NUDCD1: variants seen among roughly 807,000 people sequenced by gnomAD.
NUDCD1 encodes the protein nudC domain-containing protein 1.
NUDCD1 carries 60 observed loss-of-function variants against 67.8 expected under a neutral mutation model. That is an observed-to-expected ratio of 0.88 (90% CI 0.72 to 1.10). NUDCD1 has a LOEUF of 1.10. NUDCD1 is among the 50% of genes least tolerant of loss of function. NUDCD1 has a pLI of 0.00. For missense variants in NUDCD1, 643 were observed against 695.0 expected, an observed-to-expected ratio of 0.93 and a Z score of 0.84; for synonymous variants, 244 against 230.8, an observed-to-expected ratio of 1.06 and a Z score of -0.52.
chr8:109,278,897 A>C (rs1317879238), intron 6 of NUDCD1, among the ~76,000 whole-genome samples: 1 of 152,030 alleles, frequency 6.6e-6, no homozygotes, highest in East Asian at 1.9e-4. Context: ...ATATATTTTC[A>C]GTTGGGCATG....
intron 8 of NUDCD1, among the ~76,000 whole-genome samples, chr8:109,268,686 C>A (rs546516866): frequency 6.6e-6 from 1 of 152,210 alleles, no homozygotes; most frequent in South Asian, 2.1e-4. Context: ...AGTTATAGCA[C>A]CTAAAACTAT....
intron 8 of NUDCD1, among the ~76,000 whole-genome samples, chr8:109,251,866 C>CT (rs924246250): frequency 3.1e-4 from 47 of 152,120 alleles, no homozygotes; most frequent in African/African-American, 1.1e-3. Flanking sequence ...AATTGGGGCA[C>CT]TTTTTTCTTT....
At chr8:109,254,805 AT>A (rs1489321545) in intron 8 of NUDCD1, among the ~76,000 whole-genome samples, 1 of 152,148 alleles carries the variant, frequency 6.6e-6, no homozygotes, top group Non-Finnish European at 1.5e-5. Context: ...AAATTTAAAA[AT>A]AATATTAATA....
intron 5 of NUDCD1, among the ~76,000 whole-genome samples, chr8:109,288,143 G>C (rs964224615): frequency 1.3e-5 from 2 of 152,008 alleles, no homozygotes; most frequent in African/African-American, 2.4e-5. Context: ...CTTTATTACT[G>C]TGAAAATCCT....
chr8:109,245,131 A>C (rs1813462916), intron 9 of NUDCD1, among the ~76,000 whole-genome samples, 191 bp downstream of exon 9: 1 of 152,062 alleles, frequency 6.6e-6, no homozygotes, highest in Non-Finnish European at 1.5e-5. Context: ...TACAAGCATA[A>C]AAACAGATTA....
chr8:109,316,037 C>A (rs1815386357), intron 2 of NUDCD1: 1 of 152,162 alleles, frequency 6.6e-6, no homozygotes, highest in Non-Finnish European at 1.5e-5. Context: ...TATAAGATGA[C>A]ACTCTTTTAG....
chr8:109,312,028 C>T (rs1464818861), intron 2 of NUDCD1, among the ~76,000 whole-genome samples: 5 of 151,836 alleles, frequency 3.3e-5, no homozygotes, highest in African/African-American at 7.3e-5. Context: ...GTCGGCTGGG[C>T]GCGGTGGCTC....
chr8:109,257,406 T>C (rs757664823), intron 8 of NUDCD1, among the ~76,000 whole-genome samples: 3 of 152,088 alleles, frequency 2.0e-5, no homozygotes, highest in Non-Finnish European at 4.4e-5. Flanking sequence ...GGATTAAATA[T>C]AACACTGACA....
At chr8:109,253,584 A>G (rs1013459531) in intron 8 of NUDCD1, among the ~76,000 whole-genome samples, 1 of 152,198 alleles carries the variant, frequency 6.6e-6, no homozygotes, top group African/African-American at 2.4e-5. Context: ...TGCTCACATC[A>G]TGACTTGAGA....
At chr8:109,280,019 C>G (rs929385856) in intron 6 of NUDCD1, among the ~76,000 whole-genome samples, 1 of 152,094 alleles carries the variant, frequency 6.6e-6, no homozygotes, top group Non-Finnish European at 1.5e-5. Context: ...GAAAAAATTA[C>G]TACAATTTAC....
At chr8:109,330,172 A>G (rs904864156) in intron 1 of NUDCD1, among the ~76,000 whole-genome samples, 3 of 152,248 alleles carry the variant, frequency 2.0e-5, no homozygotes, top group Admixed American at 6.5e-5. Context: ...AAAGACAATT[A>G]CAATTTGATT....
At chr8:109,254,508 C>T (rs1248674991) in intron 8 of NUDCD1, among the ~76,000 whole-genome samples, 2 of 152,120 alleles carry the variant, frequency 1.3e-5, no homozygotes, top group Non-Finnish European at 2.9e-5. Flanking sequence ...TGCATAAAAA[C>T]CAACTCTAAA....
chr8:109,294,080 T>C (rs1285460808), intron 3 of NUDCD1, among the ~76,000 whole-genome samples: 1 of 128,910 alleles, frequency 7.8e-6, no homozygotes, highest in Admixed American at 8.6e-5. Context: ...AATTCTTTCT[T>C]ATACCACAAA....
chr8:109,254,747 C>G (rs923166491), intron 8 of NUDCD1, among the ~76,000 whole-genome samples: 1 of 152,026 alleles, frequency 6.6e-6, no homozygotes, highest in East Asian at 1.9e-4. Context: ...GATTAAATGT[C>G]AAAGTGAAGA....
chr8:109,289,661 T>G, intron 5 of NUDCD1, 90 bp downstream of exon 5: 1 of 668,820 alleles, frequency 1.5e-6, no homozygotes, highest in Non-Finnish European at 2.5e-6. Flanking sequence ...TATCTTGCCC[T>G]TGTAGAACTA....
intron 8 of NUDCD1, among the ~76,000 whole-genome samples, chr8:109,264,322 T>G (rs1007102914): frequency 6.6e-6 from 1 of 152,210 alleles, no homozygotes; most frequent in Non-Finnish European, 1.5e-5. Context: ...AATTTCAGCT[T>G]TTGAACAAAA....
At chr8:109,313,849 G>T in intron 2 of NUDCD1, 1 of 1,101,998 alleles carries the variant, frequency 9.1e-7, no homozygotes, top group Non-Finnish European at 1.2e-6. Flanking sequence ...TCAGATAAAT[G>T]GGTACAATAT....
intron 8 of NUDCD1, among the ~76,000 whole-genome samples, chr8:109,265,992 C>T (rs929325226): frequency 2.0e-5 from 3 of 151,946 alleles, no homozygotes; most frequent in Admixed American, 6.6e-5. Context: ...TAATCTAATA[C>T]TTAAAAATAT....
chr8:109,242,809 GT>G lies in NUDCD1; in HGVS notation c.*199del, dbSNP rs1813397121. On this transcript the variant is annotated 3_prime_UTR_variant, in exon 10 of 10. Transcript: ENST00000239690. ...CTCTTTTTTTTTTTCAGAAGCCAAT[GT>G]TCTCTAAATCTGCAGCTTCATTCCA... 1 of 335,434 alleles carries G rather than the reference GT, an allele frequency of 3.0e-6. No individual in the cohort carries two copies. Among genetic ancestry groups the G allele is most frequent in the Admixed American group, 4.4e-5 (1 of 22,976 alleles). 20.8% of individuals were successfully genotyped at this position (335,434 alleles called of 1,614,324 possible). A position where few individuals can be genotyped will look rare whatever the true frequency, so the allele number is the denominator to read the frequency against.
Sources: gnomAD v4.1 joint callset for allele counts (sites outside exome capture counted in the v4.1 genomes callset) on GRCh38, gnomAD v4.1.1 for gene constraint, MANE v1.5 for transcripts, NCBI Gene and HGNC (gene_info 2026-07-23, HGNC 2026-07-21) for gene names.